Variants in CRYBG2 observed in about 807,000 individuals in gnomAD.
CRYBG2 encodes the protein beta/gamma crystallin domain-containing protein 2.
Under a neutral mutation model 153.4 loss-of-function variants are expected in CRYBG2, and 106 were observed. The ratio of observed to expected loss-of-function variants is 0.69; its 90% CI spans 0.59 to 0.81. The LOEUF is 0.81. Among genes scored for constraint, CRYBG2 ranks in the 30% least tolerant of loss-of-function variants. CRYBG2 has a pLI of 0.00. For synonymous variants in CRYBG2, 851 were observed against 877.8 expected, an observed-to-expected ratio of 0.97 and a Z score of 0.54; for missense variants, 1,996 against 2,112.0, an observed-to-expected ratio of 0.95 and a Z score of 1.08.
At chr1:26,329,004 G>C in intron 15 of CRYBG2, 131 bp from the exon 16 acceptor site, 1 of 1,148,634 alleles carries the variant, frequency 8.7e-7, no homozygotes, top group Non-Finnish European at 1.2e-6. Flanking sequence ...CAGTTCTGCA[G>C]GGCCACTGAT....
rs147012844 is a variant in CRYBG2, at chr1:26,322,050, C to T, written c.4904G>A (p.Arg1635Gln). The T allele has an allele frequency of 2.0e-5, 32 of 1,606,248 alleles. No individual in the cohort carries two copies. The highest frequency in any genetic ancestry group is 2.0e-4 in the South Asian group (18 of 90,798). Residue 1635 changes from arginine (R) to glutamine (Q), a missense_variant, in exon 20 of 20, where the codon CGG (arginine) becomes CAG (glutamine). Arg to Gln is a conservative substitution (Grantham distance 43). Transcript: ENST00000308182. Reference protein sequence around the residue: ...EGQILDVKGGRGYDRDHVVLW... With the variant: ...EGQILDVKGGQGYDRDHVVLW... ...CACCACGTGGTCCCGGTCGTAGCCC[C>T]GGCCTCCTGGGGGTGGGATGGGGAT...
intron 14 of CRYBG2, among the ~76,000 whole-genome samples, chr1:26,334,347 C>T (rs1280581402): frequency 6.6e-6 from 1 of 151,990 alleles, no homozygotes; most frequent in African/African-American, 2.4e-5. Context: ...TCCCTTGAGC[C>T]CAGGAGGTCA....
chr1:26,353,509 G>C (rs1288851348), intron 1 of CRYBG2, among the ~76,000 whole-genome samples: 2 of 152,116 alleles, frequency 1.3e-5, no homozygotes, highest in African/African-American at 4.8e-5. Flanking sequence ...AGCCAGGTGG[G>C]GTAATTATTG....
Position 26,346,020 on chromosome 1 carries a change from A to G in CRYBG2, c.638T>C (p.Val213Ala), listed in dbSNP as rs759347641. 1 of 1,593,230 alleles carries G rather than the reference A, an allele frequency of 6.3e-7. No individual in the cohort carries two copies. The highest frequency in any genetic ancestry group is 1.1e-5 in the South Asian group (1 of 90,594). Residue 213 changes from valine (V) to alanine (A), a missense_variant, in exon 2 of 20, where the codon GTC becomes GCC. Physicochemically the swap from Val to Ala is moderately conservative, Grantham distance 64. Coordinates refer to ENST00000308182, the MANE Select transcript of CRYBG2 (RefSeq NM_001039775.4). The surrounding 1 kb of genome is among the most constrained non-coding windows in gnomAD (Gnocchi z 4.9). ...CACCACTGGCGGCACCATGCGGGAG[A>G]CCTGACGGCCCCGTGGCAGGGCCTC... The part of the protein sequence containing the change: ...SGEALPRGRQ[V>A]SRMVPPVVVG...
intron 17 of CRYBG2, among the ~76,000 whole-genome samples, chr1:26,327,564 A>G (rs921847584): frequency 2.0e-5 from 3 of 151,488 alleles, no homozygotes; most frequent in Non-Finnish European, 4.4e-5. Context: ...TAGGAGAATC[A>G]CTTGAATCTG....
intron 1 of CRYBG2, among the ~76,000 whole-genome samples, chr1:26,347,359 T>C (rs1171642599): frequency 6.7e-6 from 1 of 149,826 alleles, no homozygotes; most frequent in African/African-American, 2.5e-5. Context: ...AGTGGTATGA[T>C]CTTAGCTCAC....
At chr1:26,338,759 A>G (rs1266039818) in intron 6 of CRYBG2, among the ~76,000 whole-genome samples, 1 of 152,140 alleles carries the variant, frequency 6.6e-6, no homozygotes, top group African/African-American at 2.4e-5. Flanking sequence ...CCGGCTATGC[A>G]AAGAGGCTCT....
Position 26,343,707 on chromosome 1 carries a change from G to T in CRYBG2, c.2913+38C>A. 2 of 1,440,808 alleles carry T rather than the reference G, an allele frequency of 1.4e-6. No individual in the cohort carries two copies. Among genetic ancestry groups the T allele is most frequent in the South Asian group, 3.1e-5 (2 of 64,312 alleles). The allele number at this position is 1,440,808 out of a possible 1,614,324, so 89.3% of individuals were successfully genotyped here. A position where few individuals can be genotyped will look rare whatever the true frequency, so the allele number is the denominator to read the frequency against. On this transcript the variant is annotated intron_variant, in intron 2 of 19. Transcript: ENST00000308182. The surrounding 1 kb of genome is among the most constrained non-coding windows in gnomAD (Gnocchi z 4.1). ...CCACTCAAGCCTTGACCCAGGTGAGGCCAGGCACCTCCCTTGCCCACCCGA... is the reference window on the plus strand; with the variant it reads ...CCACTCAAGCCTTGACCCAGGTGAGTCCAGGCACCTCCCTTGCCCACCCGA...
chr1:26,353,142 C>T (rs2074303839), intron 1 of CRYBG2, among the ~76,000 whole-genome samples: 1 of 152,190 alleles, frequency 6.6e-6, no homozygotes, highest in Non-Finnish European at 1.5e-5. Context: ...AGCCCCTTCA[C>T]TTTCTAGTTG....
intron 1 of CRYBG2, among the ~76,000 whole-genome samples, chr1:26,351,115 C>T (rs1332557237): frequency 1.3e-5 from 2 of 152,140 alleles, no homozygotes; most frequent in African/African-American, 4.8e-5. Context: ...TGGTCATTTT[C>T]CCAGGCCAGG....
Position 26,345,507 on chromosome 1 carries a change from G to A in CRYBG2, c.1151C>T (p.Thr384Ile), listed in dbSNP as rs772826025. The A allele has an allele frequency of 3.1e-6, 5 of 1,594,344 alleles. No individual in the cohort carries two copies. The highest frequency in any genetic ancestry group is 4.5e-5 in the East Asian group (2 of 44,662). ...VVPTHPGARL[T>I]PLVLPPKKKD... ...TTTTTTAGGGGGCAGAACAAGGGGAGTGAGCCGGGCCCCGGGGTGAGTGGG... is the reference window on the plus strand; with the variant it reads ...TTTTTTAGGGGGCAGAACAAGGGGAATGAGCCGGGCCCCGGGGTGAGTGGG... Residue 384 changes from threonine (T) to isoleucine (I), a missense_variant, in exon 2 of 20, where the codon ACT (threonine) becomes ATT (isoleucine). Physicochemically the swap from Thr to Ile is moderately conservative, Grantham distance 89. Transcript: ENST00000308182.
At position 26,343,575 on chromosome 1, in the gene CRYBG2, G is replaced by C. The variant is rs987827306; in HGVS notation, c.2913+170C>G. 7.9e-5 allele frequency among the ~76,000 whole-genome samples: 12 copies of C among 152,188 alleles called. No individual in the cohort carries two copies. The highest frequency in any genetic ancestry group is 2.9e-4 in the African/African-American group (12 of 41,428). ...ACCTCCCACAGTAGGGATAGGGATA[G>C]GGAGATTGAGGCCCAGAGAGATGTG... On this transcript the variant is annotated intron_variant, in intron 2 of 19. Transcript: ENST00000308182. The surrounding 1 kb of genome is among the most constrained non-coding windows in gnomAD (Gnocchi z 4.1).
intron 15 of CRYBG2, among the ~76,000 whole-genome samples, chr1:26,329,317 C>T (rs1175186326): frequency 1.3e-5 from 2 of 151,470 alleles, no homozygotes; most frequent in African/African-American, 4.9e-5. Flanking sequence ...GCTGGGATTA[C>T]AGGCACGCAC....
rs2074228277 is a variant in CRYBG2 at position 26,346,780 on chromosome 1, C to T, written c.-55-68G>A. ...GTGGCTTCCTAAAGTGCAGAATAAC[C>T]ACCCCTACCCAAGTCAGGCTGGGAA... On this transcript the variant is annotated intron_variant, in intron 1 of 19. Coordinates refer to ENST00000308182, the MANE Select transcript of CRYBG2 (RefSeq NM_001039775.4). The surrounding 1 kb of genome is among the most constrained non-coding windows in gnomAD (Gnocchi z 4.9). 8 of 1,052,148 alleles carry T rather than the reference C, an allele frequency of 7.6e-6. No homozygotes were observed. The highest frequency in any genetic ancestry group is 1.1e-5 in the Non-Finnish European group (8 of 749,990). 65.2% of individuals were successfully genotyped at this position (1,052,148 alleles called of 1,614,324 possible).
intron 16 of CRYBG2, 179 bp downstream of exon 16, chr1:26,328,555 G>A (rs1246904708): frequency 4.4e-6 from 5 of 1,143,054 alleles, no homozygotes; most frequent in Non-Finnish European, 6.1e-6. Flanking sequence ...CCAAGCTGGG[G>A]TCTAAGCCCT....
chr1:26,323,526 T>C (rs1374832256), intron 18 of CRYBG2, among the ~76,000 whole-genome samples: 2 of 152,210 alleles, frequency 1.3e-5, no homozygotes, highest in Non-Finnish European at 2.9e-5. Context: ...ATTCTGTCTA[T>C]AACTGCTGTA....
At position 26,333,248 on chromosome 1, in the gene CRYBG2, C is replaced by A. The variant is rs150415716; in HGVS notation, c.4185-1630G>T. Reference sequence around the variant, plus strand: ...AGAGGGGGTCATGAGGGTGAGACCCCATGATGGGATTAGTGTCCTTAAAAG... The same window carrying A: ...AGAGGGGGTCATGAGGGTGAGACCCAATGATGGGATTAGTGTCCTTAAAAG... On this transcript the variant is annotated intron_variant, in intron 14 of 19. Transcript: ENST00000308182. 4.6e-3 allele frequency among the ~76,000 whole-genome samples: 705 copies of A among 151,944 alleles called. 6 individuals carry two copies. Among genetic ancestry groups the A allele is most frequent in the African/African-American group, 0.016 (666 of 41,418 alleles).
In CRYBG2 at chr1:26,336,360, T is replaced by C; in HGVS notation, c.4049A>G (p.His1350Arg). 2 of 1,613,538 alleles carry C rather than the reference T, an allele frequency of 1.2e-6. No individual in the cohort carries two copies. The highest frequency in any genetic ancestry group is 8.5e-7 in the Non-Finnish European group (1 of 1,179,702). ...TACCTTTGAGACGAAGTGCAGATCGTGCTCCCCGACCTGAAGGTAGGGACC... is the reference window on the plus strand; with the variant it reads ...TACCTTTGAGACGAAGTGCAGATCGCGCTCCCCGACCTGAAGGTAGGGACC... ...SLQPVLQVGE[H>R]DLHFVSKIQL... Residue 1350 changes from histidine to arginine, a missense_variant, in exon 13 of 20, where the codon CAC becomes CGC. His to Arg is a conservative substitution (Grantham distance 29). Transcript: ENST00000308182. The surrounding 1 kb of genome is among the most constrained non-coding windows in gnomAD (Gnocchi z 4.9).
In CRYBG2 at chr1:26,336,002, T is replaced by C. The variant is rs1177895506; in HGVS notation, c.4184+93A>G. ...CAAGACAGAACAGTTCATCGCAAGG[T>C]AGCCAAAGGAAGGAAATCATTTGAA... is the stretch of plus-strand genomic sequence containing the variant. On this transcript the variant is annotated intron_variant, in intron 14 of 19. Coordinates refer to ENST00000308182, the MANE Select transcript of CRYBG2 (RefSeq NM_001039775.4). The surrounding 1 kb of genome is among the most constrained non-coding windows in gnomAD (Gnocchi z 4.9). The C allele has an allele frequency of 3.7e-6, 4 of 1,075,628 alleles. No individual in the cohort carries two copies. The highest frequency in any genetic ancestry group is 3.0e-5 in the Admixed American group (1 of 33,396). 66.6% of individuals were successfully genotyped at this position (1,075,628 alleles called of 1,614,324 possible). A position where few individuals can be genotyped will look rare whatever the true frequency, so the allele number is the denominator to read the frequency against.
Sources: gnomAD v4.1 joint callset for allele counts (sites outside exome capture counted in the v4.1 genomes callset) on GRCh38, gnomAD v4.1.1 for gene constraint, Gnocchi (gnomAD v3.1) non-coding constraint, MANE v1.5 for transcripts, NCBI Gene and HGNC (gene_info 2026-07-23, HGNC 2026-07-21) for gene names.